Variants in MANEA observed in about 807,000 individuals in gnomAD.
MANEA encodes the protein glycoprotein endo-alpha-1,2-mannosidase.
Under a neutral mutation model 36.8 loss-of-function variants are expected in MANEA, and 25 were observed. The observed-to-expected ratio is 0.68, with a 90% CI of 0.50 to 0.95. The LOEUF (loss-of-function observed/expected upper bound fraction) is 0.95. Among genes scored for constraint, MANEA ranks in the 40% least tolerant of loss-of-function variants. The pLI, the probability that MANEA is intolerant of heterozygous loss-of-function variation, is 0.00. For missense variants in MANEA, 565 were observed against 558.8 expected (o/e 1.01, Z -0.11); for synonymous variants, 198 against 188.5 (o/e 1.05, Z -0.41).
chr6:95,585,796 G>GT (rs756894439), intron 1 of MANEA, among the ~76,000 whole-genome samples: 28 of 151,986 alleles, frequency 1.8e-4, no homozygotes, highest in Non-Finnish European at 3.8e-4. Flanking sequence ...TAATGACTGG[G>GT]TTTTTCATAC....
chr6:95,578,151 C>T (rs984952860), intron 1 of MANEA, among the ~76,000 whole-genome samples: 2 of 152,164 alleles, frequency 1.3e-5, no homozygotes, highest in African/African-American at 4.8e-5. Context: ...GAGGAGACCG[C>T]CCGATGGCGA....
At position 95,606,507 on chromosome 6, in the gene MANEA, T is replaced by C; in HGVS notation, c.*102T>C. The stretch of plus-strand genomic sequence containing the variant: ...AAACTGTCAAAATCAGTATATACTA[T>C]TAGTTATATTTAAAAATATTTTTTT... On this transcript the variant is annotated 3_prime_UTR_variant, in exon 5 of 5. Transcript: ENST00000358812. 2 of 563,216 alleles carry C rather than the reference T, an allele frequency of 3.6e-6. No homozygotes were observed. Among genetic ancestry groups the C allele is most frequent in the Non-Finnish European group, 5.5e-6 (2 of 366,554 alleles). The allele number at this position is 563,216 out of a possible 1,614,324, so 34.9% of individuals were successfully genotyped here. A position where few individuals can be genotyped will look rare whatever the true frequency, so the allele number is the denominator to read the frequency against.
At chr6:95,588,119 T>C (rs185245517) in intron 2 of MANEA, 18 of 152,196 alleles carry the variant, frequency 1.2e-4, no homozygotes, top group Admixed American at 1.1e-3. Flanking sequence ...AAATATAACT[T>C]GGTGCCTGAA....
chr6:95,578,512 A>C (rs35387650), intron 1 of MANEA, among the ~76,000 whole-genome samples: 8,817 of 152,226 alleles, frequency 0.058, 325 homozygotes, highest in Non-Finnish European at 0.082. Context: ...AAACCTAGAT[A>C]TTGGTGATAC....
intron 1 of MANEA, among the ~76,000 whole-genome samples, chr6:95,579,687 A>G (rs776127159): frequency 2.0e-5 from 3 of 152,228 alleles, no homozygotes; most frequent in Non-Finnish European, 4.4e-5. Flanking sequence ...TTTTTGAAGT[A>G]CTAATTCATA....
intron 3 of MANEA, among the ~76,000 whole-genome samples, chr6:95,600,623 C>G (rs1328782213): frequency 6.6e-6 from 1 of 152,174 alleles, no homozygotes; most frequent in African/African-American, 2.4e-5. Flanking sequence ...TAGAATTATT[C>G]AGTGTGCTAA....
In MANEA at chr6:95,606,012, C is replaced by T; in HGVS notation, c.996C>T (p.Gly332=). The change falls in exon 5 of 5, where the codon GGC becomes GGT. Residue 332 remains glycine, a synonymous_variant. Transcript: ENST00000358812. ...TTGCCACAAATGGCTTTACTTATGG[C>T]TCATCACATCAGAATTGGGCTAGCC... ...TYFATNGFTY[G]SSHQNWASLK... 1.9e-6 allele frequency: 3 copies of T among 1,613,672 alleles called. No homozygotes were observed. Among genetic ancestry groups the T allele is most frequent in the Non-Finnish European group, 2.5e-6 (3 of 1,179,840 alleles).
rs1048443119 is a variant in MANEA at position 95,580,498 on chromosome 6, G to A, written c.-39+2860G>A. Among the ~76,000 whole-genome samples, 6 of 152,128 alleles carry A rather than the reference G, an allele frequency of 3.9e-5. No homozygotes were observed. The East Asian group carries it at 7.8e-4, about 20-fold the overall frequency. On this transcript the variant is annotated intron_variant, in intron 1 of 4. Coordinates refer to ENST00000358812, the MANE Select transcript of MANEA (RefSeq NM_024641.4). ...CCCAGCACTTTGGGAGGCAGAGGCG[G>A]GTGGATCACGAGGTCAGGAGATCGA...
intron 1 of MANEA, among the ~76,000 whole-genome samples, chr6:95,580,484 G>C (rs927715309): frequency 2.0e-5 from 3 of 152,126 alleles, no homozygotes; most frequent in Non-Finnish European, 4.4e-5. Flanking sequence ...CCAGCACTTT[G>C]GGAGGCAGAG....
chr6:95,601,716 A>ATTTGTTTTTTTTTTTTTTTTTTTTTTTT (rs1769595078), intron 3 of MANEA, among the ~76,000 whole-genome samples: 1 of 64,968 alleles, frequency 1.5e-5, no homozygotes, highest in African/African-American at 6.3e-5. Context: ...AGATTCAGTG[A>ATTTGTTTTTTTTTTTTTTTTTTTTTTTT]TTTTTTTTTT....
chr6:95,601,716 ATTTTTTTTTTTTTTT>A (rs67335804), intron 3 of MANEA, among the ~76,000 whole-genome samples: 3 of 64,968 alleles, frequency 4.6e-5, no homozygotes, highest in African/African-American at 1.3e-4. Flanking sequence ...AGATTCAGTG[ATTTTTTTTTTTTTTT>A]TTTTTTTTTT....
intron 1 of MANEA, among the ~76,000 whole-genome samples, chr6:95,579,778 C>T (rs1407112509): frequency 6.6e-6 from 1 of 152,084 alleles, no homozygotes; most frequent in Non-Finnish European, 1.5e-5. Flanking sequence ...CACTAAGCTT[C>T]AAGTCAGCAT....
intron 2 of MANEA, among the ~76,000 whole-genome samples, chr6:95,594,909 G>A (rs371882777): frequency 2.0e-5 from 3 of 151,960 alleles, no homozygotes; most frequent in African/African-American, 7.3e-5. Flanking sequence ...CCTTCAATTT[G>A]GCCAGGACAT....
intron 2 of MANEA, among the ~76,000 whole-genome samples, chr6:95,589,366 T>C (rs969391299): frequency 1.3e-5 from 2 of 152,264 alleles, no homozygotes; most frequent in African/African-American, 4.8e-5. Context: ...TCCTTTGATA[T>C]AAATGGCCTT....
intron 1 of MANEA, among the ~76,000 whole-genome samples, chr6:95,579,048 C>G (rs1252207720): frequency 1.3e-5 from 2 of 152,102 alleles, no homozygotes; most frequent in African/African-American, 4.8e-5. Context: ...ACCAACTGCT[C>G]AGCTTCATCA....
chr6:95,593,666 G>T (rs1452195720), intron 2 of MANEA, among the ~76,000 whole-genome samples: 2 of 152,116 alleles, frequency 1.3e-5, no homozygotes, highest in Non-Finnish European at 2.9e-5. Flanking sequence ...GTAGATATGG[G>T]TATTATTTTG....
At position 95,608,470 on chromosome 6, in the gene MANEA, C is replaced by T. The variant is rs1769758264; in HGVS notation, c.*2065C>T. The T allele has an allele frequency of 6.6e-6, 1 of 151,838 alleles. No individual in the cohort carries two copies. The highest frequency in any genetic ancestry group is 2.4e-5 in the African/African-American group (1 of 41,402). The allele number at this position is 151,838 out of a possible 1,614,324, so 9.4% of individuals were successfully genotyped here. ...TCCCATTATAGACATGGTGAATCCA[C>T]ACAGCATACTTCATCTCTGAGCTTT... On this transcript the variant is annotated 3_prime_UTR_variant, in exon 5 of 5. Coordinates refer to ENST00000358812, the MANE Select transcript of MANEA (RefSeq NM_024641.4).
intron 1 of MANEA, among the ~76,000 whole-genome samples, chr6:95,580,086 A>AT (rs566765181): frequency 6.6e-6 from 1 of 152,030 alleles, no homozygotes; most frequent in East Asian, 1.9e-4. Context: ...GTTGAAGATG[A>AT]TTTTTTTTAT....
At chr6:95,591,176 C>T (rs2127941063) in intron 2 of MANEA, among the ~76,000 whole-genome samples, 1 of 152,304 alleles carries the variant, frequency 6.6e-6, no homozygotes, top group Non-Finnish European at 1.5e-5. Context: ...CTACTGTTCC[C>T]CATCCATATT....
Sources: allele counts gnomAD v4.1 joint callset (sites outside exome capture counted in the v4.1 genomes callset), GRCh38; gene constraint gnomAD v4.1.1; transcripts MANE v1.5; gene names NCBI Gene and HGNC (gene_info 2026-07-23, HGNC 2026-07-21).